Variants in MYO1D observed in about 807,000 individuals in gnomAD.
MYO1D encodes myosin ID.
A neutral mutation model predicts 122.0 loss-of-function variants in MYO1D; 83 were observed. That is an observed-to-expected ratio of 0.68 (90% CI 0.57 to 0.82). The LOEUF is 0.82. MYO1D is among the 40% of genes least tolerant of loss of function. The pLI, the probability that MYO1D is intolerant of heterozygous loss-of-function variation, is 0.00. For synonymous variants in MYO1D, 464 were observed against 446.9 expected (o/e 1.04, Z -0.48); for missense variants, 1,157 against 1,269.5 (o/e 0.91, Z 1.35).
chr17:32,657,958 C>A (rs1340229896), intron 17 of MYO1D, among the ~76,000 whole-genome samples: 4 of 152,014 alleles, frequency 2.6e-5, no homozygotes, highest in Non-Finnish European at 5.9e-5. Context: ...AGTCATATAG[C>A]CATACATATA....
intron 15 of MYO1D, among the ~76,000 whole-genome samples, chr17:32,717,983 T>C (rs566620272): frequency 6.6e-6 from 1 of 152,306 alleles, no homozygotes; most frequent in South Asian, 2.1e-4. Context: ...TGGGTTTTGC[T>C]GCTCCTGGAT....
At chr17:32,530,417 C>T (rs571378957) in intron 21 of MYO1D, among the ~76,000 whole-genome samples, 6 of 152,304 alleles carry the variant, frequency 3.9e-5, no homozygotes, top group Admixed American at 1.3e-4. Flanking sequence ...GAAAAAATTA[C>T]AGACTAAGTG....
In MYO1D at chr17:32,709,550, T is replaced by C. The variant is rs79469811; in HGVS notation, c.2121+2438A>G. Among the ~76,000 whole-genome samples the C allele has an allele frequency of 8.6e-5, 13 of 151,714 alleles. No homozygotes were observed. The East Asian group carries it at 1.2e-3, about 14-fold the overall frequency. ...AACATTTACAAGCATTCTTGAGAAATAGAACTGAATGAAAGCAACATTAAA... is the reference window on the plus strand; with the variant it reads ...AACATTTACAAGCATTCTTGAGAAACAGAACTGAATGAAAGCAACATTAAA... On this transcript the variant is annotated intron_variant, in intron 16 of 21. Coordinates refer to ENST00000318217, the MANE Select transcript of MYO1D (RefSeq NM_015194.3).
chr17:32,779,031 T>A (rs1432077618), intron 2 of MYO1D, among the ~76,000 whole-genome samples: 1 of 152,116 alleles, frequency 6.6e-6, no homozygotes, highest in Non-Finnish European at 1.5e-5. Flanking sequence ...AAGGTTAGAG[T>A]AATTTTAGTG....
chr17:32,716,216 A>G (rs1289410640), intron 15 of MYO1D, among the ~76,000 whole-genome samples: 2 of 152,186 alleles, frequency 1.3e-5, no homozygotes, highest in Non-Finnish European at 2.9e-5. Context: ...CTAGTCCTTG[A>G]AAGTCTGGCT....
At chr17:32,610,951 C>A (rs1484333967) in intron 20 of MYO1D, among the ~76,000 whole-genome samples, 2 of 152,188 alleles carry the variant, frequency 1.3e-5, no homozygotes, top group African/African-American at 2.4e-5. Context: ...TATGAGATTT[C>A]TATGCTATGA....
In MYO1D at chr17:32,720,946, T is replaced by C. The variant is rs988115478; in HGVS notation, c.1913+77A>G. On this transcript the variant is annotated intron_variant, in intron 15 of 21. Transcript: ENST00000318217. Reference sequence around the variant, plus strand: ...ACAAATATTTATAGATTGCCTAATATGTGCTGATGCACTATTGTACGGGGA... The same window carrying C: ...ACAAATATTTATAGATTGCCTAATACGTGCTGATGCACTATTGTACGGGGA... The C allele has an allele frequency of 3.7e-6, 5 of 1,367,784 alleles. No individual in the cohort carries two copies. The African/African-American group carries it at 4.4e-5, about 12-fold the overall frequency. 84.7% of individuals were successfully genotyped at this position (1,367,784 alleles called of 1,614,324 possible).
chr17:32,735,658 G>C (rs1328101430), intron 14 of MYO1D, among the ~76,000 whole-genome samples: 1 of 151,720 alleles, frequency 6.6e-6, no homozygotes, highest in Non-Finnish European at 1.5e-5. Context: ...CTCCCACTAT[G>C]ATGGTGGACT....
At chr17:32,508,059 G>A (rs1216914628) in intron 21 of MYO1D, among the ~76,000 whole-genome samples, 1 of 152,030 alleles carries the variant, frequency 6.6e-6, no homozygotes, top group Non-Finnish European at 1.5e-5. Flanking sequence ...ACCATGCCCA[G>A]GCAATTTTTG....
chr17:32,557,601 G>A (rs1046616749), intron 21 of MYO1D, among the ~76,000 whole-genome samples: 1 of 151,816 alleles, frequency 6.6e-6, no homozygotes, highest in Non-Finnish European at 1.5e-5. Context: ...AGGTTCAAGC[G>A]ATCCTCCCGT....
At chr17:32,752,224 T>C (rs1398802416) in intron 11 of MYO1D, among the ~76,000 whole-genome samples, 1 of 152,180 alleles carries the variant, frequency 6.6e-6, no homozygotes, top group East Asian at 1.9e-4. Context: ...TAGCTAGCCA[T>C]ATACAGCAGA....
intron 1 of MYO1D, among the ~76,000 whole-genome samples, chr17:32,822,369 T>A (rs1372847030): frequency 5.0e-5 from 4 of 80,426 alleles, no homozygotes; most frequent in African/African-American, 1.9e-4. Flanking sequence ...CACTGGGGCC[T>A]GTTGTGGGGT....
chr17:32,874,061 G>A (rs1046913583), intron 1 of MYO1D, among the ~76,000 whole-genome samples: 3 of 152,052 alleles, frequency 2.0e-5, no homozygotes, highest in African/African-American at 7.3e-5. Flanking sequence ...CTCCAGCCAC[G>A]AGTCCACCTT....
chr17:32,638,982 C>T, intron 19 of MYO1D, 147 bp from the exon 20 acceptor site: 1 of 561,736 alleles, frequency 1.8e-6, no homozygotes, highest in Non-Finnish European at 3.2e-6. Flanking sequence ...GTAGCTGTTC[C>T]CATACTTGTG....
chr17:32,588,488 C>G (rs1357509249), intron 21 of MYO1D, among the ~76,000 whole-genome samples: 1 of 152,074 alleles, frequency 6.6e-6, no homozygotes, highest in African/African-American at 2.4e-5. Flanking sequence ...AACCCAAGAG[C>G]CTTAGTTTTT....
intron 4 of MYO1D, among the ~76,000 whole-genome samples, chr17:32,774,556 T>C (rs918357269): frequency 1.3e-5 from 2 of 152,184 alleles, no homozygotes; most frequent in Admixed American, 6.5e-5. Flanking sequence ...TAAAAGTCAG[T>C]TGAGCAAGAT....
intron 17 of MYO1D, among the ~76,000 whole-genome samples, chr17:32,657,073 C>T (rs564178337): frequency 1.3e-3 from 195 of 152,318 alleles, no homozygotes; most frequent in Non-Finnish European, 2.4e-3. Flanking sequence ...TCTATAAATA[C>T]GTGTAGCCAA....
At chr17:32,584,989 A>G (rs2087373692) in intron 21 of MYO1D, among the ~76,000 whole-genome samples, 1 of 152,222 alleles carries the variant, frequency 6.6e-6, no homozygotes, top group Admixed American at 6.5e-5. Flanking sequence ...TTCAAAGCAT[A>G]TGACAAGCAC....
chr17:32,715,945 T>C (rs1379054099), intron 15 of MYO1D, among the ~76,000 whole-genome samples: 3 of 152,232 alleles, frequency 2.0e-5, no homozygotes, highest in Admixed American at 2.0e-4. Context: ...TCCTCATCTT[T>C]ATTGCTTCAA....
Sources: gnomAD v4.1 joint callset for allele counts (sites outside exome capture counted in the v4.1 genomes callset) on GRCh38, gnomAD v4.1.1 for gene constraint, MANE v1.5 for transcripts, NCBI Gene and HGNC (gene_info 2026-07-23, HGNC 2026-07-21) for gene names.